The following CNTN1 variants were observed in gnomAD, a reference collection of about 807,000 sequenced individuals.
The protein encoded by CNTN1 is contactin 1.
A neutral mutation model predicts 126.4 loss-of-function variants in CNTN1; 38 were observed. That is an observed-to-expected ratio of 0.30 (90% confidence interval 0.23 to 0.39). CNTN1 has a LOEUF of 0.39. CNTN1 is among the 10% of genes least tolerant of loss of function. CNTN1 has a pLI of 1.00. For missense variants in CNTN1, 1,009 were observed against 1,248.4 expected, an observed-to-expected ratio of 0.81 and a Z score of 2.89; for synonymous variants, 413 against 422.6, an observed-to-expected ratio of 0.98 and a Z score of 0.28.
chr12:41,020,918 A>C (rs921995060), intron 20 of CNTN1, among the ~76,000 whole-genome samples: 3 of 152,194 alleles, frequency 2.0e-5, no homozygotes, highest in Non-Finnish European at 4.4e-5. Context: ...AAAATGACCC[A>C]AATAAAACTT....
At chr12:40,970,051 G>A (rs180842010) in intron 15 of CNTN1, among the ~76,000 whole-genome samples, 1 of 151,902 alleles carries the variant, frequency 6.6e-6, no homozygotes, top group East Asian at 1.9e-4. Flanking sequence ...AGAATTTCTC[G>A]AGAAGAAAGG....
chr12:40,763,907 G>T (rs187209272), intron 1 of CNTN1, among the ~76,000 whole-genome samples: 1 of 152,214 alleles, frequency 6.6e-6, no homozygotes, highest in African/African-American at 2.4e-5. Context: ...GGATCTCTCA[G>T]AATATCTCAT....
chr12:40,707,084 A>C (rs1293096540), intron 1 of CNTN1, among the ~76,000 whole-genome samples: 1 of 112,590 alleles, frequency 8.9e-6, no homozygotes, highest in Non-Finnish European at 2.0e-5. Context: ...ACACACACAC[A>C]CACACCCCTG....
chr12:40,720,950 AAT>A (rs146338360), intron 1 of CNTN1, among the ~76,000 whole-genome samples: 6,534 of 150,464 alleles, frequency 0.043, 283 homozygotes, highest in African/African-American at 0.12. Context: ...AAAAAAGAGA[AAT>A]ATATATATAT....
chr12:41,004,966 G>A (rs1948454528), intron 17 of CNTN1: 1 of 152,164 alleles, frequency 6.6e-6, no homozygotes, highest in Non-Finnish European at 1.5e-5. Context: ...ATTTTACACT[G>A]TCATTATGAC....
intron 1 of CNTN1, among the ~76,000 whole-genome samples, chr12:40,712,829 G>A (rs1353814278): frequency 6.6e-6 from 1 of 152,000 alleles, no homozygotes; most frequent in East Asian, 1.9e-4. Flanking sequence ...ACCTCATTTT[G>A]AAATTTAATT....
intron 10 of CNTN1, 91 bp downstream of exon 10, chr12:40,936,996 T>C (rs1592284061): frequency 1.1e-5 from 17 of 1,515,408 alleles, no homozygotes; most frequent in African/African-American, 2.7e-5. Flanking sequence ...GGAGAGACAA[T>C]ACAGAAAGGG....
At chr12:40,912,293 C>A (rs2136827024) in intron 3 of CNTN1, among the ~76,000 whole-genome samples, 1 of 151,412 alleles carries the variant, frequency 6.6e-6, no homozygotes, top group Admixed American at 6.6e-5. Context: ...GAATAAGTTG[C>A]ACATAATCTG....
intron 1 of CNTN1, among the ~76,000 whole-genome samples, chr12:40,742,048 C>T (rs1301560144): frequency 6.6e-6 from 1 of 151,936 alleles, no homozygotes; most frequent in Admixed American, 6.6e-5. Context: ...GACAAAACTC[C>T]TTCTATTTAT....
chr12:40,951,295 C>A (rs976703557), intron 14 of CNTN1, among the ~76,000 whole-genome samples: 1 of 152,036 alleles, frequency 6.6e-6, no homozygotes, highest in East Asian at 1.9e-4. Context: ...ATTTTCAACA[C>A]GTCTACTCTT....
Position 40,993,340 on chromosome 12 carries a change from A to C in CNTN1, c.2113+71A>C, listed in dbSNP as rs1566104888. On this transcript the variant is annotated intron_variant, in intron 17 of 23. Transcript: ENST00000551295. ...CAGTGCCACTTTCATATATGGTTGA[A>C]TGTATTTGAAAATAATGCTCTGAGG... The C allele has an allele frequency of 2.3e-6, 3 of 1,299,324 alleles. No individual in the cohort carries two copies. The South Asian group carries it at 3.7e-5, about 16-fold the overall frequency. The allele number at this position is 1,299,324 out of a possible 1,614,324, so 80.5% of individuals were successfully genotyped here.
intron 7 of CNTN1, among the ~76,000 whole-genome samples, chr12:40,932,402 C>T (rs1184882315): frequency 6.6e-6 from 1 of 151,926 alleles, no homozygotes; most frequent in Non-Finnish European, 1.5e-5. Flanking sequence ...ATGAGGCCTA[C>T]CCAGTTATGC....
chr12:40,912,299 A>C (rs1326537759), intron 3 of CNTN1, among the ~76,000 whole-genome samples: 1 of 152,042 alleles, frequency 6.6e-6, no homozygotes, highest in Non-Finnish European at 1.5e-5. Context: ...GTTGCACATA[A>C]TCTGTAATGT....
chr12:40,791,421 C>T (rs1460773654), intron 1 of CNTN1, among the ~76,000 whole-genome samples: 2 of 152,040 alleles, frequency 1.3e-5, no homozygotes, highest in Non-Finnish European at 2.9e-5. Flanking sequence ...TTCTTTGTAA[C>T]CAAAGTTGGA....
At chr12:40,999,991 T>C (rs1000526100) in intron 17 of CNTN1, among the ~76,000 whole-genome samples, 2 of 152,090 alleles carry the variant, frequency 1.3e-5, no homozygotes, top group Non-Finnish European at 2.9e-5. Context: ...AGATGTGAGC[T>C]ACCATGTCCG....
At chr12:40,798,396 T>A (rs763727599) in intron 1 of CNTN1, among the ~76,000 whole-genome samples, 1 of 151,938 alleles carries the variant, frequency 6.6e-6, no homozygotes, top group African/African-American at 2.4e-5. Context: ...AACTAAAGAC[T>A]TTTTTTCAGA....
chr12:40,716,330 C>T (rs967654190), intron 1 of CNTN1, among the ~76,000 whole-genome samples: 15 of 151,028 alleles, frequency 9.9e-5, no homozygotes, highest in Non-Finnish European at 1.5e-4. Context: ...CCCTCCCTTC[C>T]TTTCCTCCTT....
At chr12:40,716,865 G>A (rs1942064197) in intron 1 of CNTN1, among the ~76,000 whole-genome samples, 2 of 152,144 alleles carry the variant, frequency 1.3e-5, no homozygotes, top group Admixed American at 6.5e-5. Context: ...CTTAAAAACA[G>A]ATAAATATAA....
chr12:40,935,453 C>G (rs1946047898), intron 9 of CNTN1, among the ~76,000 whole-genome samples: 1 of 151,992 alleles, frequency 6.6e-6, no homozygotes, highest in Non-Finnish European at 1.5e-5. Flanking sequence ...ATTATTTATT[C>G]TTTACTAATG....
Sources: allele counts gnomAD v4.1 joint callset (sites outside exome capture counted in the v4.1 genomes callset), GRCh38; gene constraint gnomAD v4.1.1; transcripts MANE v1.5; gene names NCBI Gene and HGNC (gene_info 2026-07-23, HGNC 2026-07-21).